Variants in PPP1R27 observed in about 807,000 individuals in gnomAD.
PPP1R27 encodes dysferlin interacting protein 1.
In PPP1R27, 10 loss-of-function variants were observed where a neutral mutation model predicts 12.0. The ratio of observed to expected loss-of-function variants is 0.84; its 90% CI spans 0.52 to 1.42. The LOEUF (loss-of-function observed/expected upper bound fraction) is 1.42. Among genes scored for constraint, PPP1R27 ranks in the 40% most tolerant of loss-of-function variants. The probability of loss-of-function intolerance (pLI) is 0.00; values close to 1 mark genes in which losing one functional copy is unlikely to be tolerated. For missense variants in PPP1R27, 246 were observed against 215.3 expected (o/e 1.14, Z -0.89); for synonymous variants, 98 against 89.3 (o/e 1.10, Z -0.55).
At chr17:81,834,011 G>A (rs771734981) in intron 2 of PPP1R27, 159 bp from the exon 3 acceptor site, 1 of 762,090 alleles carries the variant, frequency 1.3e-6, no homozygotes, top group Non-Finnish European at 2.0e-6. Context: ...CTGACCCTTT[G>A]GAAGCTGTGG....
Position 81,834,896 on chromosome 17 carries a change from T to TCCGCCGCCG in PPP1R27, c.49_57dup (p.Arg17_Arg19dup). 1 of 1,611,958 alleles carries TCCGCCGCCG rather than the reference T, an allele frequency of 6.2e-7. No homozygotes were observed. The highest frequency in any genetic ancestry group is 8.5e-7 in the Non-Finnish European group (1 of 1,179,708). ...AAACGCACGCTGCGATCAGCCAGCA[T>TCCGCCGCCG]CCGCCGCCGCCGCTGCCGTGGGCTG... is the stretch of plus-strand genomic sequence containing the variant. On this transcript the variant is annotated inframe_insertion, in exon 1 of 3. Coordinates refer to ENST00000330261, the MANE Select transcript of PPP1R27 (RefSeq NM_001007533.4).
rs368219302 is a variant in PPP1R27 at position 81,834,753 on chromosome 17, G to A, written c.190+11C>T. The A allele has an allele frequency of 6.2e-7, 1 of 1,610,400 alleles. No homozygotes were observed. The highest frequency in any genetic ancestry group is 1.3e-5 in the African/African-American group (1 of 74,908). ...CACAGGCCCTGGCCAGCTCTTCCAG[G>A]CTTTGCTCACCTGAGGGGTGGATGG... On this transcript the variant is annotated intron_variant, in intron 1 of 2. Coordinates refer to ENST00000330261, the MANE Select transcript of PPP1R27 (RefSeq NM_001007533.4).
chr17:81,834,492 G>T lies in PPP1R27; in HGVS notation c.341+11C>A, dbSNP rs1480756623. ...CGGGTTCAAGCCTGTGTAGACCCAG[G>T]GCCCCCTCACCTGGCTATGTCAGGG... On this transcript the variant is annotated intron_variant, in intron 2 of 2. Coordinates refer to ENST00000330261, the MANE Select transcript of PPP1R27 (RefSeq NM_001007533.4). 6.2e-6 allele frequency: 10 copies of T among 1,613,526 alleles called. No individual in the cohort carries two copies. The highest frequency in any genetic ancestry group is 8.5e-6 in the Non-Finnish European group (10 of 1,179,924).
chr17:81,833,932 G>A (rs2038578051), intron 2 of PPP1R27, 80 bp from the exon 3 acceptor site: 16 of 1,507,588 alleles, frequency 1.1e-5, no homozygotes, highest in East Asian at 2.4e-5. Flanking sequence ...GAGGGCCAGA[G>A]TCCTGGGGTC....
chr17:81,834,058 A>G, intron 2 of PPP1R27: 1 of 579,000 alleles, frequency 1.7e-6, no homozygotes, highest in Non-Finnish European at 3.0e-6. Flanking sequence ...GGACAAAGGC[A>G]GAAACAGGAT....
In PPP1R27 at chr17:81,834,300, T is replaced by C. The variant is rs1299281972; in HGVS notation, c.341+203A>G. On this transcript the variant is annotated intron_variant, in intron 2 of 2. Transcript: ENST00000330261. ...ATTTTTAGTAGTGAGAGGGTTCTTGTCACGAACTCCTGACCTCAGGTGATC... is the reference window on the plus strand; with the variant it reads ...ATTTTTAGTAGTGAGAGGGTTCTTGCCACGAACTCCTGACCTCAGGTGATC... 6.8e-6 allele frequency: 4 copies of C among 585,770 alleles called. No homozygotes were observed. The African/African-American group carries it at 7.5e-5, about 11-fold the overall frequency. 36.3% of individuals were successfully genotyped at this position (585,770 alleles called of 1,614,324 possible). A position where few individuals can be genotyped will look rare whatever the true frequency, so the allele number is the denominator to read the frequency against.
intron 2 of PPP1R27, 73 bp from the exon 3 acceptor site, chr17:81,833,925 G>GGCCAGAGT: frequency 6.5e-7 from 1 of 1,535,804 alleles, no homozygotes; most frequent in Non-Finnish European, 8.8e-7. Flanking sequence ...CGGGTCAGAG[G>GGCCAGAGT]GCCAGAGTCC....
rs1207748734 is a variant in PPP1R27, at chr17:81,834,754, C to T, written c.190+10G>A. ...ACAGGCCCTGGCCAGCTCTTCCAGG[C>T]TTTGCTCACCTGAGGGGTGGATGGT... On this transcript the variant is annotated intron_variant, in intron 1 of 2. Coordinates refer to ENST00000330261, the MANE Select transcript of PPP1R27 (RefSeq NM_001007533.4). 6.2e-7 allele frequency: 1 copy of T among 1,610,080 alleles called. No homozygotes were observed. The highest frequency in any genetic ancestry group is 8.5e-7 in the Non-Finnish European group (1 of 1,177,554).
chr17:81,833,558 A>T lies in PPP1R27; in HGVS notation c.*171T>A. 3.1e-6 allele frequency: 2 copies of T among 635,892 alleles called. No individual in the cohort carries two copies. Among genetic ancestry groups the T allele is most frequent in the South Asian group, 4.0e-5 (2 of 49,856 alleles). 39.4% of individuals were successfully genotyped at this position (635,892 alleles called of 1,614,324 possible). On this transcript the variant is annotated 3_prime_UTR_variant, in exon 3 of 3. Transcript: ENST00000330261. ...TTATTGAAAAAGTAAAAAGTGTCAC[A>T]GTAAAAAATTCACCTGGGGACAAAG...
Position 81,834,594 on chromosome 17 carries a change from C to T in PPP1R27, c.250G>A (p.Val84Ile). ...TGGTGAATGTCAGCCCCGTATTTGA[C>T]CAGCAGCTTCACGCATTCCAGGTTT... is the stretch of plus-strand genomic sequence containing the variant. The part of the protein sequence containing the change: ...SGNLECVKLL[V>I]KYGADIHQRD... The change falls in exon 2 of 3, where the codon GTC becomes ATC. Residue 84 changes from valine to isoleucine, a missense_variant. Coordinates refer to ENST00000330261, the MANE Select transcript of PPP1R27 (RefSeq NM_001007533.4). The T allele has an allele frequency of 6.2e-7, 1 of 1,614,214 alleles. No individual in the cohort carries two copies. Among genetic ancestry groups the T allele is most frequent in the Non-Finnish European group, 8.5e-7 (1 of 1,180,022 alleles).
rs372449567 is a variant in PPP1R27 at position 81,834,846 on chromosome 17, G to A, written c.108C>T (p.Asp36=). The A allele has an allele frequency of 2.2e-5, 35 of 1,613,710 alleles. No homozygotes were observed. In the African/African-American group the frequency reaches 2.9e-4, roughly 14 times the overall value. The change falls in exon 1 of 3, where the codon GAC becomes GAT. Residue 36 remains aspartate, a synonymous_variant. Coordinates refer to ENST00000330261, the MANE Select transcript of PPP1R27 (RefSeq NM_001007533.4). Reference sequence around the variant, plus strand: ...GCTCCAGGTCACCCTGCCGGATGTGGTCCAAGAACAGGACATCATTAGGGA... The same window carrying A: ...GCTCCAGGTCACCCTGCCGGATGTGATCCAAGAACAGGACATCATTAGGGA... The part of the protein sequence containing the change: ...VRFPNDVLFL[D]HIRQGDLEQV...
In PPP1R27 at chr17:81,834,785, G is replaced by A. The variant is rs1182334700; in HGVS notation, c.169C>T (p.Leu57=). ...TCACCTGAGGGGTGGATGGTGGCCAGGGAGACTTTCCGAGTCCGGATGAAG... is the reference window on the plus strand; with the variant it reads ...TCACCTGAGGGGTGGATGGTGGCCAAGGAGACTTTCCGAGTCCGGATGAAG... ...GRFIRTRKVS[L]ATIHPSGLAA... The change falls in exon 1 of 3, where the codon CTG becomes TTG. Residue 57 remains leucine, a synonymous_variant. Transcript: ENST00000330261. 2 of 1,612,798 alleles carry A rather than the reference G, an allele frequency of 1.2e-6. No homozygotes were observed. Among genetic ancestry groups the A allele is most frequent in the South Asian group, 2.2e-5 (2 of 90,964 alleles).
Position 81,833,730 on chromosome 17 carries a change from C to T in PPP1R27, c.464G>A (p.Ter155=). 1 of 1,549,114 alleles carries T rather than the reference C, an allele frequency of 6.5e-7. No homozygotes were observed. Among genetic ancestry groups the T allele is most frequent in the South Asian group, 1.2e-5 (1 of 84,040 alleles). ...VELFKGTTMD[*] ...CGGGGGCGGGCGGGCAAAGCTGGCT[C>T]AGTCCATCGTGGTCCCTTTGAAGAG... Residue 155 remains the stop codon, a stop_retained_variant, in exon 3 of 3, where the codon TGA becomes TAA. Coordinates refer to ENST00000330261, the MANE Select transcript of PPP1R27 (RefSeq NM_001007533.4).
chr17:81,834,023 C>T (rs1020445609), intron 2 of PPP1R27, 171 bp from the exon 3 acceptor site: 24 of 709,042 alleles, frequency 3.4e-5, no homozygotes, highest in Middle Eastern at 8.1e-4. Context: ...AAGCTGTGGC[C>T]AGCTTTTCAA....
rs772428754 is a variant in PPP1R27 at position 81,834,645 on chromosome 17, C to T, written c.199G>A (p.Ala67Thr). 1.1e-5 allele frequency: 17 copies of T among 1,613,988 alleles called. No homozygotes were observed. Among genetic ancestry groups the T allele is most frequent in the Admixed American group, 5.0e-5 (3 of 60,002 alleles). The change falls in exon 2 of 3, where the codon GCC becomes ACC. Residue 67 changes from alanine (A) to threonine (T), a missense_variant. Ala to Thr is a moderately conservative substitution (Grantham distance 58). Transcript: ENST00000330261. ...CCAGAGAGCACGGCTTCATGCAAGG[C>T]GGCCAGGCCTGGGCAGGGAGGACGG... ...LATIHPSGLA[A>T]LHEAVLSGNL...
At position 81,833,625 on chromosome 17, in the gene PPP1R27, C is replaced by A. The variant is rs533677737; in HGVS notation, c.*104G>T. 7.7e-7 allele frequency: 1 copy of A among 1,299,304 alleles called. No individual in the cohort carries two copies. The highest frequency in any genetic ancestry group is 1.5e-5 in the African/African-American group (1 of 66,344). The allele number at this position is 1,299,304 out of a possible 1,614,324, so 80.5% of individuals were successfully genotyped here. A position where few individuals can be genotyped will look rare whatever the true frequency, so the allele number is the denominator to read the frequency against. On this transcript the variant is annotated 3_prime_UTR_variant, in exon 3 of 3. Transcript: ENST00000330261. ...TGGCGGGGTCGTGGAGGGACGGGTC[C>A]GGCCGCCCCTGGCCCACGGGTGGGG...
In PPP1R27 at chr17:81,834,934, C is replaced by A. The variant is rs372728244; in HGVS notation, c.20G>T (p.Arg7Leu). The A allele has an allele frequency of 1.9e-6, 3 of 1,608,116 alleles. No individual in the cohort carries two copies. In the African/African-American group the frequency reaches 4.0e-5, roughly 21 times the overall value. Residue 7 changes from arginine (R) to leucine (L), a missense_variant, in exon 1 of 3, where the codon CGC becomes CTC. Coordinates refer to ENST00000330261, the MANE Select transcript of PPP1R27 (RefSeq NM_001007533.4). ...CTGCCGTGGGCTGTAGCGGGCATAG[C>A]GGGCAGTTCTGCTAGGCATCTTGGG... MPSRTA[R>L]YARYSPRQRR...
chr17:81,834,049 G>A, intron 2 of PPP1R27, 197 bp from the exon 3 acceptor site: 1 of 598,256 alleles, frequency 1.7e-6, no homozygotes. Flanking sequence ...TTCTATTGAG[G>A]ACAAAGGCAG....
In PPP1R27 at chr17:81,834,907, C is replaced by T. The variant is rs145719058; in HGVS notation, c.47G>A (p.Arg16Gln). The change falls in exon 1 of 3, where the codon CGG becomes CAG. Residue 16 changes from arginine (R) to glutamine (Q), a missense_variant. Physicochemically the swap from Arg to Gln is conservative, Grantham distance 43. Coordinates refer to ENST00000330261, the MANE Select transcript of PPP1R27 (RefSeq NM_001007533.4). ...GCGATCAGCCAGCATCCGCCGCCGC[C>T]GCTGCCGTGGGCTGTAGCGGGCATA... is the stretch of plus-strand genomic sequence containing the variant. ...ARYARYSPRQRRRRMLADRSV... is the reference protein window; with the variant it reads ...ARYARYSPRQQRRRMLADRSV... 239 of 1,612,228 alleles carry T rather than the reference C, an allele frequency of 1.5e-4. 1 individual carries two copies. The African/African-American group carries it at 2.8e-3, about 19-fold the overall frequency.
Sources: gnomAD v4.1 joint callset for allele counts on GRCh38, gnomAD v4.1.1 for gene constraint, MANE v1.5 for transcripts, NCBI Gene and HGNC (gene_info 2026-07-23, HGNC 2026-07-21) for gene names.